Variants in PIK3R4 observed in about 807,000 individuals in gnomAD.
PIK3R4 encodes phosphoinositide-3-kinase regulatory subunit 4.
In PIK3R4, 46 loss-of-function variants were observed where a neutral mutation model predicts 136.5. The observed-to-expected ratio is 0.34, with a 90% CI of 0.27 to 0.43. PIK3R4 has a LOEUF of 0.43. PIK3R4 is among the 20% of genes least tolerant of loss of function. The probability of loss-of-function intolerance (pLI) is 1.00; values close to 1 mark genes in which losing one functional copy is unlikely to be tolerated. For synonymous variants in PIK3R4, 557 were observed against 566.7 expected, an observed-to-expected ratio of 0.98 and a Z score of 0.24; for missense variants, 1,331 against 1,649.5, an observed-to-expected ratio of 0.81 and a Z score of 3.35.
intron 7 of PIK3R4, among the ~76,000 whole-genome samples, chr3:130,719,520 G>A (rs1455739374): frequency 6.6e-6 from 1 of 152,138 alleles, no homozygotes; most frequent in African/African-American, 2.4e-5. Context: ...AATTATAAAT[G>A]AAGAAGATTT....
At chr3:130,691,555 T>A (rs1354568829) in intron 13 of PIK3R4, among the ~76,000 whole-genome samples, 1 of 152,008 alleles carries the variant, frequency 6.6e-6, no homozygotes, top group Admixed American at 6.6e-5. Flanking sequence ...ACCAACTCCC[T>A]CCTCCATTAC....
At chr3:130,702,041 T>C (rs2066577515) in intron 13 of PIK3R4, among the ~76,000 whole-genome samples, 1 of 152,028 alleles carries the variant, frequency 6.6e-6, no homozygotes, top group Non-Finnish European at 1.5e-5. Context: ...CCTGAGAGGC[T>C]GAGGCGGGAG....
At chr3:130,728,215 CT>C (rs750995297) in intron 6 of PIK3R4, among the ~76,000 whole-genome samples, 1 of 152,116 alleles carries the variant, frequency 6.6e-6, no homozygotes, top group Non-Finnish European at 1.5e-5. Flanking sequence ...GGTCATTATT[CT>C]GTCTAAATAT....
chr3:130,733,258 A>G (rs558216695), intron 4 of PIK3R4, among the ~76,000 whole-genome samples: 1 of 152,366 alleles, frequency 6.6e-6, no homozygotes, highest in South Asian at 2.1e-4. Flanking sequence ...ACACTAGATC[A>G]GAAGCACATA....
At chr3:130,727,941 CA>C (rs960746006) in intron 6 of PIK3R4, among the ~76,000 whole-genome samples, 105 of 147,618 alleles carry the variant, frequency 7.1e-4, no homozygotes, top group Middle Eastern at 6.9e-3. Flanking sequence ...GAAAGAACAG[CA>C]AAAAAAAAAT....
intron 2 of PIK3R4, among the ~76,000 whole-genome samples, chr3:130,739,954 G>C (rs946861634): frequency 6.6e-6 from 1 of 152,164 alleles, no homozygotes; most frequent in African/African-American, 2.4e-5. Flanking sequence ...GGGTGACATA[G>C]AGAATGCATG....
intron 2 of PIK3R4, among the ~76,000 whole-genome samples, chr3:130,740,924 T>C (rs954689853): frequency 6.6e-6 from 1 of 152,170 alleles, no homozygotes; most frequent in African/African-American, 2.4e-5. Flanking sequence ...ATATGGGTGT[T>C]CCTTTGTTCT....
At chr3:130,682,551 G>A (rs1433026173) in intron 16 of PIK3R4, among the ~76,000 whole-genome samples, 2 of 152,038 alleles carry the variant, frequency 1.3e-5, no homozygotes, top group Non-Finnish European at 2.9e-5. Context: ...GGGAGGGAGG[G>A]AAGAAAGTCA....
chr3:130,711,352 C>T (rs1576456912), intron 9 of PIK3R4, among the ~76,000 whole-genome samples: 1 of 152,152 alleles, frequency 6.6e-6, no homozygotes, highest in East Asian at 1.9e-4. Context: ...GAGAGAGTTG[C>T]CAGGCTATGG....
chr3:130,739,842 C>A (rs1476652329), intron 2 of PIK3R4, among the ~76,000 whole-genome samples: 1 of 152,176 alleles, frequency 6.6e-6, no homozygotes, highest in Non-Finnish European at 1.5e-5. Flanking sequence ...AAATCCATCA[C>A]CATCTATGCA....
chr3:130,720,587 C>T (rs777889070), intron 7 of PIK3R4, among the ~76,000 whole-genome samples: 3 of 152,148 alleles, frequency 2.0e-5, no homozygotes, highest in Non-Finnish European at 2.9e-5. Flanking sequence ...ACCATCAAAA[C>T]CACCACCACC....
intron 6 of PIK3R4, among the ~76,000 whole-genome samples, chr3:130,726,726 A>C (rs367559402): frequency 6.6e-6 from 1 of 152,030 alleles, no homozygotes; most frequent in East Asian, 1.9e-4. Context: ...TAATATAAGC[A>C]TATTTATTTT....
intron 11 of PIK3R4, among the ~76,000 whole-genome samples, chr3:130,706,399 C>A (rs1290885093): frequency 2.0e-5 from 3 of 152,114 alleles, no homozygotes. Flanking sequence ...TTACTGAAAT[C>A]TGTAGTGAAC....
At chr3:130,741,804 ATGGCT>A (rs2066825429) in intron 2 of PIK3R4, among the ~76,000 whole-genome samples, 1 of 152,224 alleles carries the variant, frequency 6.6e-6, no homozygotes, top group Non-Finnish European at 1.5e-5. Flanking sequence ...CTACGTAACA[ATGGCT>A]TGCACATAAT....
chr3:130,729,793 T>TA (rs1320748425), intron 5 of PIK3R4, among the ~76,000 whole-genome samples: 8 of 152,204 alleles, frequency 5.3e-5, no homozygotes, highest in Admixed American at 2.6e-4. Context: ...CTAAATCTTT[T>TA]ACTCAACAAA....
chr3:130,698,548 A>G lies in PIK3R4; in HGVS notation c.3098+5175T>C, dbSNP rs76640346. Among the ~76,000 whole-genome samples the G allele has an allele frequency of 9.9e-5, 15 of 152,238 alleles. No homozygotes were observed. In the South Asian group the frequency reaches 2.3e-3, roughly 23 times the overall value. On this transcript the variant is annotated intron_variant, in intron 13 of 19. Transcript: ENST00000356763. ...CCAGAATTTCTATTTTATGATTTCT[A>G]TCTCTTTATTGATATTGTCTATTTG...
intron 9 of PIK3R4, among the ~76,000 whole-genome samples, chr3:130,712,063 C>G (rs966013460): frequency 1.3e-5 from 2 of 152,124 alleles, no homozygotes; most frequent in African/African-American, 4.8e-5. Context: ...ATGAAAACAG[C>G]CCTTCCATGA....
chr3:130,742,716 T>C (rs1310525058), intron 2 of PIK3R4, among the ~76,000 whole-genome samples: 1 of 152,220 alleles, frequency 6.6e-6, no homozygotes, highest in Admixed American at 6.5e-5. Context: ...AAAATTTGGC[T>C]CAATTTATGT....
rs1253376762 is a variant in PIK3R4 at position 130,681,588 on chromosome 3, A to G, written c.3611T>C (p.Val1204Ala). The G allele has an allele frequency of 1.3e-6, 2 of 1,595,416 alleles. No homozygotes were observed. The highest frequency in any genetic ancestry group is 2.7e-5 in the African/African-American group (2 of 74,498). ...CATGGACACTTCGTTGTTGCCCTGAACAGCTAAAGGAAACAAAGGCCAGAA... is the reference window on the plus strand; with the variant it reads ...CATGGACACTTCGTTGTTGCCCTGAGCAGCTAAAGGAAACAAAGGCCAGAA... ...PLYQSWVIAA[V>A]QGNNEVSMWD... is the part of the protein sequence containing the mutation. The change falls in exon 17 of 20, where the codon GTT becomes GCT. Residue 1204 changes from valine to alanine, a missense_variant. Physicochemically the swap from Val to Ala is moderately conservative, Grantham distance 64. Coordinates refer to ENST00000356763, the MANE Select transcript of PIK3R4 (RefSeq NM_014602.3).
Sources: allele counts gnomAD v4.1 joint callset (sites outside exome capture counted in the v4.1 genomes callset), GRCh38; gene constraint gnomAD v4.1.1; transcripts MANE v1.5; gene names NCBI Gene and HGNC (gene_info 2026-07-23, HGNC 2026-07-21).